RBPMS: variants seen among roughly 807,000 people sequenced by gnomAD.
RBPMS encodes the protein RNA binding protein, mRNA processing factor.
In RBPMS, 7 loss-of-function variants were observed where a neutral mutation model predicts 26.8. The ratio of observed to expected loss-of-function variants is 0.26; its 90% CI spans 0.15 to 0.49. The LOEUF (loss-of-function observed/expected upper bound fraction) is 0.49, where lower values mean the gene tolerates loss of function less well. Ranked by LOEUF, RBPMS falls within the 20% of genes least tolerant of loss-of-function variation. The pLI is 0.98. For synonymous variants in RBPMS, 96 were observed against 93.3 expected (o/e 1.03, Z -0.17); for missense variants, 186 against 250.0 (o/e 0.74, Z 1.73).
At chr8:30,457,856 G>T (rs193115585) in intron 1 of RBPMS, among the ~76,000 whole-genome samples, 6 of 152,264 alleles carry the variant, frequency 3.9e-5, no homozygotes, top group Non-Finnish European at 8.8e-5. Flanking sequence ...GATTACAGGC[G>T]TGAGCCACCG....
intron 4 of RBPMS, among the ~76,000 whole-genome samples, chr8:30,491,311 T>C (rs1403872069): frequency 6.6e-6 from 1 of 152,220 alleles, no homozygotes; most frequent in Admixed American, 6.5e-5. Context: ...GTTGTCAAGT[T>C]GTACAGTTTG....
intron 5 of RBPMS, among the ~76,000 whole-genome samples, chr8:30,528,493 A>G (rs1018257188): frequency 6.6e-6 from 1 of 152,170 alleles, no homozygotes; most frequent in African/African-American, 2.4e-5. Context: ...GTCTTAACAT[A>G]GTTCTGGGAA....
intron 5 of RBPMS, among the ~76,000 whole-genome samples, chr8:30,538,112 T>C (rs552392085): frequency 2.6e-5 from 4 of 152,000 alleles, no homozygotes; most frequent in Non-Finnish European, 4.4e-5. Context: ...AGAGAGAAAA[T>C]AGAAATAGTG....
intron 4 of RBPMS, among the ~76,000 whole-genome samples, chr8:30,484,775 A>G (rs1563363634): frequency 6.6e-6 from 1 of 152,198 alleles, no homozygotes; most frequent in Non-Finnish European, 1.5e-5. Flanking sequence ...GATCAGGAAA[A>G]CTTAGCCCTA....
intron 5 of RBPMS, among the ~76,000 whole-genome samples, chr8:30,519,883 T>A (rs1333708599): frequency 6.6e-6 from 1 of 152,160 alleles, no homozygotes; most frequent in East Asian, 1.9e-4. Flanking sequence ...TTTCTTCTTT[T>A]AGGTGTCCTT....
At chr8:30,550,311 G>A (rs955964133) in intron 6 of RBPMS, among the ~76,000 whole-genome samples, 4 of 152,156 alleles carry the variant, frequency 2.6e-5, no homozygotes, top group African/African-American at 7.2e-5. Context: ...CACGCTGTGC[G>A]ACCTCAATTG....
intron 1 of RBPMS, among the ~76,000 whole-genome samples, chr8:30,467,512 A>G (rs1816644126): frequency 6.6e-6 from 1 of 152,224 alleles, no homozygotes; most frequent in Non-Finnish European, 1.5e-5. Flanking sequence ...TGGCACTGCC[A>G]TAGGTATGGG....
chr8:30,459,262 G>T (rs1815618600), intron 1 of RBPMS, among the ~76,000 whole-genome samples: 2 of 151,258 alleles, frequency 1.3e-5, no homozygotes, highest in Admixed American at 6.6e-5. Flanking sequence ...GCCCCCAGTG[G>T]TTTTTTTTGG....
chr8:30,529,967 T>G (rs1824038403), intron 5 of RBPMS, among the ~76,000 whole-genome samples: 1 of 152,104 alleles, frequency 6.6e-6, no homozygotes, highest in Non-Finnish European at 1.5e-5. Context: ...GTTGCCCAGG[T>G]TGATCTCGAA....
intron 1 of RBPMS, among the ~76,000 whole-genome samples, chr8:30,473,935 G>A (rs773426844): frequency 5.3e-5 from 8 of 152,090 alleles, no homozygotes; most frequent in Non-Finnish European, 7.3e-5. Flanking sequence ...TGGGCTTGTC[G>A]GGGGCTTGAG....
chr8:30,450,787 C>CGAAAAAAAAAAAA (rs1814478970), intron 1 of RBPMS, among the ~76,000 whole-genome samples: 1 of 87,384 alleles, frequency 1.1e-5, no homozygotes, highest in Non-Finnish European at 2.2e-5. Flanking sequence ...TGCCTGAAAG[C>CGAAAAAAAAAAAA]AAAAAAAAAA....
chr8:30,519,457 T>A (rs2150981142), intron 5 of RBPMS, among the ~76,000 whole-genome samples: 1 of 109,980 alleles, frequency 9.1e-6, no homozygotes, highest in Non-Finnish European at 1.8e-5. Flanking sequence ...AGGATCTCTC[T>A]CTTTTTTTTT....
chr8:30,474,041 TACCTTTGTAACCTG>T (rs1426976696), intron 1 of RBPMS, among the ~76,000 whole-genome samples: 1 of 152,154 alleles, frequency 6.6e-6, no homozygotes, highest in African/African-American at 2.4e-5. Flanking sequence ...GGTATGTGTT[TACCTTTGTAACCTG>T]TACATCCTGC....
intron 1 of RBPMS, among the ~76,000 whole-genome samples, chr8:30,443,591 TTTTTGTTTTG>T (rs1480801128): frequency 6.6e-6 from 1 of 151,640 alleles, no homozygotes; most frequent in Non-Finnish European, 1.5e-5. Context: ...TTTCAGGTTT[TTTTTGTTTTG>T]TTTTTGTTTT....
intron 7 of RBPMS, among the ~76,000 whole-genome samples, chr8:30,559,394 T>C (rs1018899113): frequency 1.3e-5 from 2 of 152,248 alleles, no homozygotes; most frequent in African/African-American, 2.4e-5. Context: ...ATATCCAAAG[T>C]ACTAATCGTT....
At chr8:30,511,487 ATATATATATATATATATAT>A (rs1368073704) in intron 5 of RBPMS, among the ~76,000 whole-genome samples, 26 of 12,722 alleles carry the variant, frequency 2.0e-3, no homozygotes, top group African/African-American at 7.4e-3. Flanking sequence ...AAAAAAAAAA[ATATATATATATATATATAT>A]ATATATATAT....
In RBPMS at chr8:30,571,792, A is replaced by G. The variant is rs1828261907; in HGVS notation, c.*1267A>G. ...GTCAGTTGACACATCTCCAGAGTTC[A>G]TGACAGCTCAACCTCTCCCCTTGTA... On this transcript the variant is annotated 3_prime_UTR_variant, in exon 9 of 9. Transcript: ENST00000397323. 6.6e-6 allele frequency: 1 copy of G among 152,282 alleles called. No individual in the cohort carries two copies. The highest frequency in any genetic ancestry group is 1.5e-5 in the Non-Finnish European group (1 of 68,044). 9.4% of individuals were successfully genotyped at this position (152,282 alleles called of 1,614,324 possible).
intron 6 of RBPMS, chr8:30,555,912 C>A (rs28642702): frequency 2.1e-5 from 21 of 984,686 alleles, no homozygotes; most frequent in Middle Eastern, 5.2e-4. Context: ...TTGTTCCCCC[C>A]CACCGGGCCG....
At chr8:30,549,722 G>T (rs1378691869) in intron 6 of RBPMS, 1 of 569,752 alleles carries the variant, frequency 1.8e-6, no homozygotes, top group Non-Finnish European at 3.1e-6. Flanking sequence ...CCTTCCTGGA[G>T]GCGATTTCTT....
Sources: gnomAD v4.1 joint callset for allele counts (sites outside exome capture counted in the v4.1 genomes callset) on GRCh38, gnomAD v4.1.1 for gene constraint, MANE v1.5 for transcripts, NCBI Gene and HGNC (gene_info 2026-07-23, HGNC 2026-07-21) for gene names.